USP39: variants seen among roughly 807,000 people sequenced by gnomAD.
The protein encoded by USP39 is ubiquitin carboxyl-terminal hydrolase 39.
In USP39, 38 loss-of-function variants were observed where a neutral mutation model predicts 66.4. That is an observed-to-expected ratio of 0.57 (90% CI 0.44 to 0.75). The LOEUF (loss-of-function observed/expected upper bound fraction) is 0.75. USP39 is among the 30% of genes least tolerant of loss of function. The probability of loss-of-function intolerance (pLI) is 0.00; values close to 1 mark genes in which losing one functional copy is unlikely to be tolerated. For missense variants in USP39, 608 were observed against 714.4 expected (o/e 0.85, Z 1.70); for synonymous variants, 303 against 274.6 (o/e 1.10, Z -1.02).
At chr2:85,619,387 C>CT in intron 2 of USP39, 98 bp downstream of exon 2, 4 of 1,317,326 alleles carry the variant, frequency 3.0e-6, no homozygotes, top group Non-Finnish European at 3.2e-6. Context: ...ACAAACTTTA[C>CT]TTTTTTTGAA....
rs776044557 is a variant in USP39, at chr2:85,616,476, G to C, written c.268+13G>C. ...CGGGAGGTGCGAGGTGCGCGGGGCC[G>C]GGCCGGGCTAGGCGCGAGAGCCTGT... is the stretch of plus-strand genomic sequence containing the variant. On this transcript the variant is annotated intron_variant, in intron 1 of 12. Transcript: ENST00000323701. 1 of 1,495,450 alleles carries C rather than the reference G, an allele frequency of 6.7e-7. No individual in the cohort carries two copies. The highest frequency in any genetic ancestry group is 9.0e-7 in the Non-Finnish European group (1 of 1,116,242). 92.6% of individuals were successfully genotyped at this position (1,495,450 alleles called of 1,614,324 possible).
intron 4 of USP39, among the ~76,000 whole-genome samples, chr2:85,624,700 A>G (rs1209971801): frequency 6.6e-6 from 1 of 152,192 alleles, no homozygotes. Flanking sequence ...GGGGAGGCCC[A>G]CACCTGTAAT....
At chr2:85,646,295 T>A (rs1676644110) in intron 11 of USP39, 1 of 152,260 alleles carries the variant, frequency 6.6e-6, no homozygotes, top group Admixed American at 6.5e-5. Context: ...CTCATTTGAT[T>A]AGCCTCTTCT....
At chr2:85,615,778 G>C (rs1460376938), upstream of USP39, among the ~76,000 whole-genome samples, 1 of 152,182 alleles carries the variant, frequency 6.6e-6, no homozygotes, top group East Asian at 1.9e-4. Flanking sequence ...TTACAGGCAT[G>C]CGCCACAATG....
chr2:85,636,048 T>C lies in USP39; in HGVS notation c.950-5T>C, dbSNP rs778984705. On this transcript the variant is annotated splice_region_variant and splice_polypyrimidine_tract_variant and intron_variant, in intron 6 of 12. Transcript: ENST00000323701. ...CAACGTTTTCCACCCTTCCTTTTTT[T>C]CCAGGAGATGGCGTTGACTTTCTGT... 1.2e-6 allele frequency: 2 copies of C among 1,614,150 alleles called. No homozygotes were observed. Among genetic ancestry groups the C allele is most frequent in the Non-Finnish European group, 8.5e-7 (1 of 1,179,994 alleles).
At chr2:85,625,731 C>T (rs894888405) in intron 5 of USP39, 40 bp downstream of exon 5, 1 of 1,600,464 alleles carries the variant, frequency 6.2e-7, no homozygotes, top group African/African-American at 1.3e-5. Flanking sequence ...AGAAGGACAC[C>T]CAGAAGGCTG....
chr2:85,633,682 G>A (rs941435478), intron 6 of USP39, among the ~76,000 whole-genome samples: 11 of 152,008 alleles, frequency 7.2e-5, no homozygotes, highest in Middle Eastern at 3.2e-3. Context: ...TTGGAGGATC[G>A]CTTGGGCCTA....
At chr2:85,616,759 C>G (rs552802007) in intron 1 of USP39, among the ~76,000 whole-genome samples, 1 of 150,248 alleles carries the variant, frequency 6.7e-6, no homozygotes, top group African/African-American at 2.5e-5. Context: ...CTCACTGCAA[C>G]CTCTGCCTCC....
At chr2:85,647,585 G>C (rs192552420) in intron 11 of USP39, among the ~76,000 whole-genome samples, 107 of 151,476 alleles carry the variant, frequency 7.1e-4, no homozygotes, top group African/African-American at 2.4e-3. Flanking sequence ...CTTGAATCCA[G>C]AGGGTCAAGG....
At chr2:85,639,555 A>G in intron 9 of USP39, 164 bp downstream of exon 9, 1 of 632,406 alleles carries the variant, frequency 1.6e-6, no homozygotes, top group Non-Finnish European at 2.5e-6. Context: ...CCCAGTTTCA[A>G]GCGATTCTCC....
intron 4 of USP39, among the ~76,000 whole-genome samples, chr2:85,624,192 T>G (rs910232916): frequency 6.6e-6 from 1 of 152,012 alleles, no homozygotes; most frequent in African/African-American, 2.4e-5. Flanking sequence ...CACAGATATC[T>G]TATCTGTGGG....
chr2:85,605,045 C>G (rs1673167746), intron 1 of USP39, among the ~76,000 whole-genome samples: 1 of 152,142 alleles, frequency 6.6e-6, no homozygotes, highest in Admixed American at 6.5e-5. Context: ...AGAAGTAGGA[C>G]CAGATGTCTT....
chr2:85,606,436 G>A (rs1376734221), intron 1 of USP39, among the ~76,000 whole-genome samples: 1 of 152,190 alleles, frequency 6.6e-6, no homozygotes, highest in African/African-American at 2.4e-5. Flanking sequence ...GCTGAGGGGT[G>A]GCAGTAAGCA....
chr2:85,647,853 C>G (rs1676768403), intron 11 of USP39, 77 bp from the exon 12 acceptor site: 1 of 1,385,126 alleles, frequency 7.2e-7, no homozygotes, highest in Admixed American at 1.8e-5. Context: ...TTTTTCTAGT[C>G]TTGGCTATGA....
intron 1 of USP39, among the ~76,000 whole-genome samples, chr2:85,616,747 G>A (rs1674005426): frequency 6.7e-6 from 1 of 148,534 alleles, no homozygotes; most frequent in South Asian, 2.1e-4. Flanking sequence ...GCGCGATCTC[G>A]GCTCACTGCA....
Position 85,621,573 on chromosome 2 carries a change from T to C in USP39, c.427T>C (p.Phe143Leu). 3 of 1,613,712 alleles carry C rather than the reference T, an allele frequency of 1.9e-6. No homozygotes were observed. The highest frequency in any genetic ancestry group is 2.5e-6 in the Non-Finnish European group (3 of 1,179,864). Residue 143 changes from phenylalanine to leucine, a missense_variant, in exon 3 of 13, where the codon TTT becomes CTT. Coordinates refer to ENST00000323701, the MANE Select transcript of USP39 (RefSeq NM_006590.4). ...AYACLVCGKYFQGRGLKSHAY... is the reference protein window; with the variant it reads ...AYACLVCGKYLQGRGLKSHAY... ...TGCCTGTCTGGTGTGTGGCAAGTAC[T>C]TTCAAGGTAAATAAGTTGTTAGAGC...
chr2:85,627,174 G>A (rs1247790958), intron 5 of USP39, among the ~76,000 whole-genome samples: 1 of 151,844 alleles, frequency 6.6e-6, no homozygotes, highest in Non-Finnish European at 1.5e-5. Flanking sequence ...TTCGTTCACT[G>A]CAACCTCTGC....
At chr2:85,611,779 A>AG, upstream of USP39, 3 of 1,611,772 alleles carry the variant, frequency 1.9e-6, no homozygotes, top group Non-Finnish European at 2.5e-6. Context: ...TTCTTGTCAT[A>AG]GTCGTCCCTG....
intron 10 of USP39, among the ~76,000 whole-genome samples, chr2:85,642,067 A>C (rs1022357010): frequency 2.6e-5 from 4 of 152,100 alleles, no homozygotes; most frequent in Non-Finnish European, 5.9e-5. Flanking sequence ...TTTTCTGGAT[A>C]TGTTCTCTCA....
Sources: allele counts gnomAD v4.1 joint callset (sites outside exome capture counted in the v4.1 genomes callset), GRCh38; gene constraint gnomAD v4.1.1; transcripts MANE v1.5; gene names NCBI Gene and HGNC (gene_info 2026-07-23, HGNC 2026-07-21).